GARIN2: variants seen among roughly 807,000 people sequenced by gnomAD.
GARIN2 encodes the protein Golgi-associated RAB2 interactor protein 2.
chr14:67,198,092 T>C, the GARIN2 span: 1 of 1,539,632 alleles, frequency 6.5e-7, no homozygotes, highest in Non-Finnish European at 8.7e-7. Context: ...AATTATGATA[T>C]TAAATTCTCT....
the GARIN2 span, among the ~76,000 whole-genome samples, chr14:67,219,968 G>A: frequency 6.6e-6 from 1 of 152,192 alleles, no homozygotes; most frequent in African/African-American, 2.4e-5. Context: ...GTTAATTATG[G>A]ATGAAAGATG....
At chr14:67,208,019 G>A in the GARIN2 span, 8 of 411,714 alleles carry the variant, frequency 1.9e-5, no homozygotes, top group African/African-American at 4.3e-5. Context: ...ACAGCCTGCC[G>A]CCAACACACC....
chr14:67,225,147 A>G, the GARIN2 span: 49 of 1,585,132 alleles, frequency 3.1e-5, no homozygotes, highest in Admixed American at 3.2e-4. Context: ...ATCTCCTTCT[A>G]ATTTCCTCAA....
chr14:67,206,605 G>A, the GARIN2 span, among the ~76,000 whole-genome samples: 1 of 152,128 alleles, frequency 6.6e-6, no homozygotes, highest in Non-Finnish European at 1.5e-5. Context: ...AATGTTAAGT[G>A]AAAAAGGTAG....
the GARIN2 span, chr14:67,204,413 A>G: frequency 1.5e-6 from 2 of 1,338,710 alleles, no homozygotes; most frequent in Admixed American, 3.1e-5. Flanking sequence ...CTGCACTCCA[A>G]CGTGGGCAAC....
the GARIN2 span, among the ~76,000 whole-genome samples, chr14:67,214,194 C>A: frequency 1.3e-5 from 2 of 152,158 alleles, no homozygotes; most frequent in Non-Finnish European, 2.9e-5. Flanking sequence ...TCAATTTTGG[C>A]TTTTGTTGCC....
chr14:67,207,370 T>C, the GARIN2 span, among the ~76,000 whole-genome samples: 1 of 151,760 alleles, frequency 6.6e-6, no homozygotes, highest in Non-Finnish European at 1.5e-5. Flanking sequence ...CCAGGCTCTT[T>C]TAAACAACCA....
At chr14:67,219,690 GC>G in the GARIN2 span, among the ~76,000 whole-genome samples, 2 of 152,000 alleles carry the variant, frequency 1.3e-5, no homozygotes. Context: ...TAAATAAATA[GC>G]AAAAATCATA....
At chr14:67,200,099 C>T in the GARIN2 span, 1 of 1,027,352 alleles carries the variant, frequency 9.7e-7, no homozygotes, top group South Asian at 1.5e-5. Context: ...CCTGGACCTC[C>T]TCCAATGGGC....
At chr14:67,215,786 G>A in the GARIN2 span, among the ~76,000 whole-genome samples, 1 of 152,080 alleles carries the variant, frequency 6.6e-6, no homozygotes, top group Non-Finnish European at 1.5e-5. Context: ...TCACTCTGAT[G>A]TCTTCCTTAT....
the GARIN2 span, among the ~76,000 whole-genome samples, chr14:67,224,362 G>A: frequency 6.6e-6 from 1 of 151,274 alleles, no homozygotes; most frequent in East Asian, 2.0e-4. Flanking sequence ...AGGTTCAAGC[G>A]ATTCTCTTGC....
chr14:67,199,092 C>A, the GARIN2 span: 1 of 1,069,692 alleles, frequency 9.3e-7, no homozygotes, highest in Non-Finnish European at 1.5e-6. Context: ...CGAGCGGAAC[C>A]AGGATGCCAC....
the GARIN2 span, chr14:67,199,752 G>C: frequency 7.1e-6 from 11 of 1,553,714 alleles, no homozygotes; most frequent in Non-Finnish European, 4.4e-6. Context: ...TTGGGGTCTG[G>C]GCTTCCTCCA....
chr14:67,225,479 G>A, the GARIN2 span, among the ~76,000 whole-genome samples: 2 of 152,192 alleles, frequency 1.3e-5, no homozygotes, highest in Non-Finnish European at 2.9e-5. Context: ...GGAGGAGAGA[G>A]GGCTTCAGGT....
At chr14:67,193,056 CTCTATA>C in the GARIN2 span, among the ~76,000 whole-genome samples, 1 of 143,268 alleles carries the variant, frequency 7.0e-6, no homozygotes, top group Non-Finnish European at 1.5e-5. Flanking sequence ...ATAGATATAT[CTCTATA>C]TCTATATATA....
the GARIN2 span, among the ~76,000 whole-genome samples, chr14:67,202,002 T>C: frequency 0.23 from 35,668 of 152,014 alleles, 5,830 homozygotes; most frequent in East Asian, 0.44. Flanking sequence ...GCCAGTTTAT[T>C]TCCCACATAG....
the GARIN2 span, among the ~76,000 whole-genome samples, chr14:67,209,817 C>T: frequency 4.2e-5 from 5 of 118,328 alleles, no homozygotes; most frequent in African/African-American, 1.6e-4. Flanking sequence ...GACTCCATCT[C>T]GGAAAAAAAA....
the GARIN2 span, among the ~76,000 whole-genome samples, chr14:67,217,519 G>A: frequency 6.6e-6 from 1 of 152,064 alleles, no homozygotes; most frequent in African/African-American, 2.4e-5. Flanking sequence ...TTTTGCAGTT[G>A]AGTGATTTTC....
the GARIN2 span, chr14:67,199,677 G>C: frequency 6.3e-7 from 1 of 1,578,692 alleles, no homozygotes; most frequent in Admixed American, 1.7e-5. Flanking sequence ...CAGCCTGACC[G>C]CCCTCATCAG....
Sources: gnomAD v4.1 joint callset for allele counts (sites outside exome capture counted in the v4.1 genomes callset) on GRCh38, gnomAD v4.1.1 for gene constraint, MANE v1.5 for transcripts, NCBI Gene and HGNC (gene_info 2026-07-23, HGNC 2026-07-21) for gene names.